The following ST6GAL2 variants were observed in gnomAD, a reference collection of about 807,000 sequenced individuals.
ST6GAL2 encodes beta-galactoside alpha-2,6-sialyltransferase 2.
A neutral mutation model predicts 37.5 loss-of-function variants in ST6GAL2; 24 were observed. The observed-to-expected ratio is 0.64, with a 90% CI of 0.46 to 0.90. The LOEUF (loss-of-function observed/expected upper bound fraction) is 0.90, where lower values mean the gene tolerates loss of function less well. ST6GAL2 is among the 40% of genes least tolerant of loss of function. ST6GAL2 has a pLI of 0.00. For synonymous variants in ST6GAL2, 306 were observed against 295.1 expected, an observed-to-expected ratio of 1.04 and a Z score of -0.38; for missense variants, 715 against 712.7, an observed-to-expected ratio of 1.00 and a Z score of -0.04.
chr2:106,867,705 G>A (rs571655341), intron 1 of ST6GAL2, among the ~76,000 whole-genome samples: 11 of 151,730 alleles, frequency 7.2e-5, no homozygotes, highest in African/African-American at 2.7e-4. Flanking sequence ...CCCACCCCCA[G>A]CCCGACCCCC....
intron 5 of ST6GAL2, among the ~76,000 whole-genome samples, chr2:106,815,500 CAA>C (rs1675766379): frequency 6.6e-6 from 1 of 152,158 alleles, no homozygotes; most frequent in South Asian, 2.1e-4. Flanking sequence ...GCAAGGAAAA[CAA>C]AAGTCTATTT....
intron 5 of ST6GAL2, among the ~76,000 whole-genome samples, chr2:106,819,785 C>T (rs1183732217): frequency 6.6e-6 from 1 of 151,644 alleles, no homozygotes; most frequent in East Asian, 1.9e-4. Context: ...ACTATAACAA[C>T]TTTTCAAGAT....
chr2:106,809,750 C>T (rs963178969), intron 5 of ST6GAL2, among the ~76,000 whole-genome samples: 3 of 152,176 alleles, frequency 2.0e-5, no homozygotes, highest in Admixed American at 6.5e-5. Context: ...AAGTTCCAAC[C>T]TATCACAGAC....
In ST6GAL2 at chr2:106,854,739, T is replaced by G. The variant is rs374182386; in HGVS notation, c.-57-10705A>C. Among the ~76,000 whole-genome samples, 6 of 152,300 alleles carry G rather than the reference T, an allele frequency of 3.9e-5. No homozygotes were observed. In the East Asian group the frequency reaches 9.7e-4, roughly 25 times the overall value. ...AGAATAAGGCCTGCCTAAATAGTTG[T>G]GACTGTCATTAGTGTACCCATCATT... On this transcript the variant is annotated intron_variant, in intron 1 of 5. Coordinates refer to ENST00000409382, the MANE Select transcript of ST6GAL2 (RefSeq NM_001142351.2).
upstream of ST6GAL2, among the ~76,000 whole-genome samples, chr2:106,886,810 G>C (rs1375192966): frequency 6.6e-6 from 1 of 151,844 alleles, no homozygotes; most frequent in East Asian, 2.0e-4. Context: ...GCCCGCCGGC[G>C]AGCGCAGGCG....
intron 1 of ST6GAL2, among the ~76,000 whole-genome samples, chr2:106,846,864 C>A (rs554014787): frequency 6.6e-6 from 1 of 152,322 alleles, no homozygotes; most frequent in Non-Finnish European, 1.5e-5. Flanking sequence ...TTTATTTGGT[C>A]TTTCCAGCAT....
intron 1 of ST6GAL2, among the ~76,000 whole-genome samples, chr2:106,870,730 A>G (rs1363940817): frequency 6.6e-6 from 1 of 152,116 alleles, no homozygotes; most frequent in African/African-American, 2.4e-5. Flanking sequence ...ATTCCGGAAT[A>G]CAGTCACAGA....
chr2:106,814,285 T>A (rs1386605470), intron 5 of ST6GAL2, among the ~76,000 whole-genome samples: 1 of 152,196 alleles, frequency 6.6e-6, no homozygotes, highest in East Asian at 1.9e-4. Flanking sequence ...TTAAGTAGCT[T>A]ATTATTTTGT....
Position 106,842,977 on chromosome 2 carries a change from G to A in ST6GAL2, c.943+58C>T, listed in dbSNP as rs2121893. ...CCAGAGGCGCGCTCAGAAAGAACCG[G>A]CCCCCAGGGACACACTGGCTCAAGA... On this transcript the variant is annotated intron_variant, in intron 2 of 5. Coordinates refer to ENST00000409382, the MANE Select transcript of ST6GAL2 (RefSeq NM_001142351.2). The A allele has an allele frequency of 6.2e-4, 782 of 1,252,756 alleles. 17 individuals carry two copies. In the East Asian group the frequency reaches 0.019, roughly 30 times the overall value. 77.6% of individuals were successfully genotyped at this position (1,252,756 alleles called of 1,614,324 possible).
chr2:106,811,114 CTT>C (rs199499830), intron 5 of ST6GAL2, among the ~76,000 whole-genome samples: 1,983 of 151,762 alleles, frequency 0.013, 46 homozygotes, highest in African/African-American at 0.045. Context: ...CATACTTAGT[CTT>C]TTAATTTTCT....
chr2:106,810,449 A>T (rs746104813), intron 5 of ST6GAL2, among the ~76,000 whole-genome samples: 18 of 152,188 alleles, frequency 1.2e-4, no homozygotes, highest in Non-Finnish European at 2.5e-4. Context: ...TGCCTATCAG[A>T]TAGAGATTTA....
intron 1 of ST6GAL2, among the ~76,000 whole-genome samples, chr2:106,851,910 C>A (rs1310750422): frequency 2.6e-5 from 4 of 152,126 alleles, no homozygotes; most frequent in Admixed American, 6.5e-5. Flanking sequence ...TTTCGAGAAT[C>A]ATTTTTTCTA....
At chr2:106,859,338 G>T (rs1441024094) in intron 1 of ST6GAL2, among the ~76,000 whole-genome samples, 1 of 152,096 alleles carries the variant, frequency 6.6e-6, no homozygotes, top group Non-Finnish European at 1.5e-5. Context: ...CATATGCATA[G>T]TTATAATTGT....
rs1317787873 is a variant in ST6GAL2, at chr2:106,884,932, T to C, written c.-58+1161A>G. Among the ~76,000 whole-genome samples, 26 of 115,436 alleles carry C rather than the reference T, an allele frequency of 2.3e-4. 1 individual carries two copies. The highest frequency in any genetic ancestry group is 8.7e-4 in the African/African-American group (20 of 22,896). The allele number at this position is 115,436 out of a possible 152,430, so 75.7% of individuals were successfully genotyped here. ...ATATATATATATATATATATATATA[T>C]ATACATACACACACACACATATATA... On this transcript the variant is annotated intron_variant, in intron 1 of 5. Transcript: ENST00000409382.
chr2:106,848,110 T>C lies in ST6GAL2; in HGVS notation c.-57-4076A>G, dbSNP rs73949788. On this transcript the variant is annotated intron_variant, in intron 1 of 5. Transcript: ENST00000409382. ...CAGGCTGCAGTGTGCGGTGGCACGATCTTGTCTCATGGCAACCTCTGCCAA... is the reference window on the plus strand; with the variant it reads ...CAGGCTGCAGTGTGCGGTGGCACGACCTTGTCTCATGGCAACCTCTGCCAA... 5.3e-3 allele frequency among the ~76,000 whole-genome samples: 806 copies of C among 151,160 alleles called. 11 individuals carry two copies. The highest frequency in any genetic ancestry group is 0.019 in the African/African-American group (771 of 41,146).
At chr2:106,884,503 G>A (rs1004424934) in intron 1 of ST6GAL2, among the ~76,000 whole-genome samples, 5 of 152,050 alleles carry the variant, frequency 3.3e-5, no homozygotes, top group African/African-American at 1.2e-4. Context: ...TCTCTAAACT[G>A]TGGAGCTCAG....
chr2:106,853,133 A>G (rs1416607320), intron 1 of ST6GAL2, among the ~76,000 whole-genome samples: 3 of 151,768 alleles, frequency 2.0e-5, no homozygotes, highest in Non-Finnish European at 4.4e-5. Context: ...GCCACAAAGT[A>G]CTATGTCTAA....
At chr2:106,840,420 C>T (rs1676831283) in intron 2 of ST6GAL2, among the ~76,000 whole-genome samples, 1 of 152,212 alleles carries the variant, frequency 6.6e-6, no homozygotes, top group South Asian at 2.1e-4. Flanking sequence ...ATGTACACTG[C>T]TGATGCTGAG....
chr2:106,859,347 G>C (rs1439131648), intron 1 of ST6GAL2, among the ~76,000 whole-genome samples: 1 of 152,112 alleles, frequency 6.6e-6, no homozygotes, highest in African/African-American at 2.4e-5. Context: ...AGTTATAATT[G>C]TGCTGTGTTC....
Sources: allele counts gnomAD v4.1 joint callset (sites outside exome capture counted in the v4.1 genomes callset), GRCh38; gene constraint gnomAD v4.1.1; transcripts MANE v1.5; gene names NCBI Gene and HGNC (gene_info 2026-07-23, HGNC 2026-07-21).